The following KLF3 variants were observed in gnomAD, a reference collection of about 807,000 sequenced individuals.
KLF3 encodes the protein KLF transcription factor 3.
In KLF3, 6 loss-of-function variants were observed where a neutral mutation model predicts 32.7. That is an observed-to-expected ratio of 0.18 (90% CI 0.10 to 0.36). The LOEUF is 0.36. Among genes scored for constraint, KLF3 ranks in the 10% least tolerant of loss-of-function variants. KLF3 has a pLI of 1.00. For synonymous variants in KLF3, 145 were observed against 172.8 expected (o/e 0.84, Z 1.26); for missense variants, 338 against 449.7 (o/e 0.75, Z 2.25).
At position 38,688,603 on chromosome 4, in the gene KLF3, A is replaced by G. The variant is rs2109251735; in HGVS notation, c.76A>G (p.Met26Val). 6.2e-7 allele frequency: 1 copy of G among 1,604,786 alleles called. No individual in the cohort carries two copies. The highest frequency in any genetic ancestry group is 8.5e-7 in the Non-Finnish European group (1 of 1,172,422). ...PVSVSYPSNY[M>V]ESMKPNKYGV... ...CTAATAGTCATACCCATCTAATTAC[A>G]TGGAATCCATGAAGCCTAACAAGTA... Residue 26 changes from methionine to valine, a missense_variant, in exon 3 of 6, where the codon ATG becomes GTG. Around this residue, in one of 2 missense-constraint regions of KLF3, gnomAD observed 272 missense variants for 313.4 expected, o/e 0.87. Coordinates refer to ENST00000261438, the MANE Select transcript of KLF3 (RefSeq NM_016531.6). The surrounding 1 kb of genome is among the most constrained non-coding windows in gnomAD (Gnocchi z 4.9).
Position 38,682,607 on chromosome 4 carries a change from A to T in KLF3, c.57+1925A>T, listed in dbSNP as rs574742349. 7.9e-5 allele frequency among the ~76,000 whole-genome samples: 12 copies of T among 152,344 alleles called. No homozygotes were observed. The South Asian group carries it at 2.1e-3, about 26-fold the overall frequency. On this transcript the variant is annotated intron_variant, in intron 2 of 5. Coordinates refer to ENST00000261438, the MANE Select transcript of KLF3 (RefSeq NM_016531.6). ...CCAGTGCTTTTAATCAAGCATGAAC[A>T]TAAGGCTCAAGAGTCTAATATAAAG...
In KLF3 at chr4:38,697,553, G is replaced by A; in HGVS notation, c.*290G>A. ...ATACGTTTAATGTAATAAGAACAAG[G>A]GAACATGTAAACTAACATAACCAAT... On this transcript the variant is annotated 3_prime_UTR_variant, in exon 6 of 6. Coordinates refer to ENST00000261438, the MANE Select transcript of KLF3 (RefSeq NM_016531.6). 1 of 299,666 alleles carries A rather than the reference G, an allele frequency of 3.3e-6. No individual in the cohort carries two copies. The highest frequency in any genetic ancestry group is 6.2e-6 in the Non-Finnish European group (1 of 161,972). The allele number at this position is 299,666 out of a possible 1,614,324, so 18.6% of individuals were successfully genotyped here. A position where few individuals can be genotyped will look rare whatever the true frequency, so the allele number is the denominator to read the frequency against.
intron 4 of KLF3, among the ~76,000 whole-genome samples, chr4:38,692,247 A>G (rs1722897387): frequency 6.6e-6 from 1 of 152,172 alleles, no homozygotes; most frequent in South Asian, 2.1e-4. Context: ...ATAATCCCAA[A>G]CCATCTCTTT....
intron 5 of KLF3, 43 bp from the exon 6 acceptor site, chr4:38,697,039 T>G (rs754509650): frequency 1.3e-6 from 2 of 1,519,556 alleles, no homozygotes; most frequent in South Asian, 2.6e-5. Flanking sequence ...CTTTACTACC[T>G]TTACAGAAAA....
intron 1 of KLF3, among the ~76,000 whole-genome samples, chr4:38,668,351 G>C (rs935701472): frequency 2.0e-5 from 3 of 151,662 alleles, no homozygotes; most frequent in East Asian, 3.9e-4. Flanking sequence ...TTAATCAAAA[G>C]GAATCATCTA....
intron 2 of KLF3, among the ~76,000 whole-genome samples, chr4:38,684,514 G>T (rs904773391): frequency 1.3e-5 from 2 of 149,678 alleles, no homozygotes; most frequent in Admixed American, 1.3e-4. Flanking sequence ...GTGGTTTTGT[G>T]GAGGTTTTTT....
At chr4:38,681,288 C>T (rs1159197922) in intron 2 of KLF3, among the ~76,000 whole-genome samples, 1 of 152,144 alleles carries the variant, frequency 6.6e-6, no homozygotes, top group Non-Finnish European at 1.5e-5. Context: ...ACAAAAATTC[C>T]TCAGCCCTTT....
At position 38,694,911 on chromosome 4, in the gene KLF3, T is replaced by C. The variant is rs375346572; in HGVS notation, c.856+5T>C. 3.8e-6 allele frequency: 6 copies of C among 1,594,660 alleles called. No homozygotes were observed. The African/African-American group carries it at 5.4e-5, about 14-fold the overall frequency. On this transcript the variant is annotated splice_donor_5th_base_variant and intron_variant, in intron 5 of 5. Coordinates refer to ENST00000261438, the MANE Select transcript of KLF3 (RefSeq NM_016531.6). ...CACACAGAAGAACACACACAGGTAA[T>C]AGAAACACCAGACCCACTTCATCTT...
In KLF3 at chr4:38,696,446, C is replaced by A. The variant is rs553453407; in HGVS notation, c.857-636C>A. On this transcript the variant is annotated intron_variant, in intron 5 of 5. Transcript: ENST00000261438. ...CCTGGTTCTCCCCATCATTTTCTCA[C>A]AAGGAGCTTTTGTTCCTCATCTGTA... 5.9e-5 allele frequency among the ~76,000 whole-genome samples: 9 copies of A among 152,250 alleles called. 1 individual carries two copies. The South Asian group carries it at 1.9e-3, about 32-fold the overall frequency.
intron 1 of KLF3, among the ~76,000 whole-genome samples, chr4:38,668,687 GT>G (rs1194234913): frequency 6.6e-6 from 1 of 152,112 alleles, no homozygotes; most frequent in Non-Finnish European, 1.5e-5. Context: ...ATCGAAGCAG[GT>G]TTTTTTGTTT....
intron 1 of KLF3, among the ~76,000 whole-genome samples, chr4:38,667,898 A>G (rs553948895): frequency 6.6e-6 from 1 of 152,332 alleles, no homozygotes; most frequent in South Asian, 2.1e-4. Context: ...TCATTGAAGC[A>G]AAGCCTAAGA....
At chr4:38,694,723 G>T in intron 4 of KLF3, 23 bp from the exon 5 acceptor site, 1 of 1,542,070 alleles carries the variant, frequency 6.5e-7, no homozygotes, top group Non-Finnish European at 8.7e-7. Flanking sequence ...TCAACATTTG[G>T]CCTGTAACCT....
rs769102407 is a variant in KLF3, at chr4:38,688,903, G to A, written c.376G>A (p.Val126Met). The part of the protein sequence containing the change: ...PFGVPLSMPP[V>M]MAAALSRHGI... ...CGGCGTGCCGCTGTCCATGCCACCA[G>A]TGATGGCAGCTGCCCTCTCGCGGCA... The change falls in exon 3 of 6, where the codon GTG becomes ATG. Residue 126 changes from valine to methionine, a missense_variant. This residue lies in a region of KLF3 where 272 missense variants were observed against 313.4 expected (regional missense o/e 0.87). Transcript: ENST00000261438. This position sits in a 1 kb window ranked among gnomAD's most constrained non-coding sequence, Gnocchi z 4.9. 9 of 1,614,118 alleles carry A rather than the reference G, an allele frequency of 5.6e-6. No homozygotes were observed. The highest frequency in any genetic ancestry group is 1.3e-5 in the African/African-American group (1 of 74,952).
rs1723144674 is a variant in KLF3 at position 38,699,570 on chromosome 4, T to C, written c.*2307T>C. On this transcript the variant is annotated 3_prime_UTR_variant, in exon 6 of 6. Transcript: ENST00000261438. ...CAGCTTTGAGCCTGAGTTCAGTGAATAGCCTCATGGGCATCTCATGGAATT... is the reference window on the plus strand; with the variant it reads ...CAGCTTTGAGCCTGAGTTCAGTGAACAGCCTCATGGGCATCTCATGGAATT... 6.6e-6 allele frequency: 1 copy of C among 152,268 alleles called. No individual in the cohort carries two copies. The highest frequency in any genetic ancestry group is 2.1e-4 in the South Asian group (1 of 4,836). The allele number at this position is 152,268 out of a possible 1,614,324, so 9.4% of individuals were successfully genotyped here.
In KLF3 at chr4:38,680,272, G is replaced by A. The variant is rs189220947; in HGVS notation, c.-39-315G>A. On this transcript the variant is annotated intron_variant, in intron 1 of 5. Transcript: ENST00000261438. ...TCCATCACCCAGGCTGGAGTGCAGC[G>A]GTGCCATTTCGGCTCACTGCAACCT... Among the ~76,000 whole-genome samples, 309 of 151,866 alleles carry A rather than the reference G, an allele frequency of 2.0e-3. 3 individuals are homozygous for A. The highest frequency in any genetic ancestry group is 7.2e-3 in the African/African-American group (297 of 41,402).
At position 38,697,111 on chromosome 4, in the gene KLF3, G is replaced by A. The variant is rs764187784; in HGVS notation, c.886G>A (p.Gly296Arg). 2 of 1,612,574 alleles carry A rather than the reference G, an allele frequency of 1.2e-6. No homozygotes were observed. Among genetic ancestry groups the A allele is most frequent in the Non-Finnish European group, 1.7e-6 (2 of 1,179,248 alleles). The change falls in exon 6 of 6, where the codon GGG becomes AGG. Residue 296 changes from glycine (G) to arginine (R), a missense_variant. Physicochemically the swap from Gly to Arg is moderately radical, Grantham distance 125 (BLOSUM62 -2). Around this residue, in one of 2 missense-constraint regions of KLF3, gnomAD observed 66 missense variants for 136.2 expected, o/e 0.48. Transcript: ENST00000261438. Reference sequence around the variant, plus strand: ...AAAACCCTACAAATGTACATGGGAAGGGTGCACATGGAAGTTTGCTCGGTC... The same window carrying A: ...AAAACCCTACAAATGTACATGGGAAAGGTGCACATGGAAGTTTGCTCGGTC... ...GEKPYKCTWE[G>R]CTWKFARSDE... is the part of the protein sequence containing the mutation.
At chr4:38,672,484 G>C (rs1305928138) in intron 1 of KLF3, among the ~76,000 whole-genome samples, 1 of 152,218 alleles carries the variant, frequency 6.6e-6, no homozygotes, top group Non-Finnish European at 1.5e-5. Flanking sequence ...AGGGCCTTGA[G>C]CTGGTCTTTG....
In KLF3 at chr4:38,671,504, C is replaced by T. The variant is rs1166349820; in HGVS notation, c.-40+7043C>T. Among the ~76,000 whole-genome samples the T allele has an allele frequency of 6.6e-6, 1 of 152,154 alleles. No individual in the cohort carries two copies. Among genetic ancestry groups the T allele is most frequent in the Non-Finnish European group, 1.5e-5 (1 of 68,028 alleles). On this transcript the variant is annotated intron_variant, in intron 1 of 5. Coordinates refer to ENST00000261438, the MANE Select transcript of KLF3 (RefSeq NM_016531.6). This position sits in a 1 kb window ranked among gnomAD's most constrained non-coding sequence, Gnocchi z 4.4. ...ACTGTCACTAATGTAAACAGACTGT[C>T]CCCACGTTCTGTCTTCTCCGGGGAC... is the stretch of plus-strand genomic sequence containing the variant.
intron 2 of KLF3, 196 bp downstream of exon 2, chr4:38,680,878 C>G (rs1722502244): frequency 1.2e-5 from 5 of 431,552 alleles, no homozygotes; most frequent in South Asian, 9.0e-5. Flanking sequence ...TGAAGAAACC[C>G]CGTCTCTACT....
Sources: allele counts gnomAD v4.1 joint callset (sites outside exome capture counted in the v4.1 genomes callset), GRCh38; gene constraint gnomAD v4.1.1; regional missense constraint gnomAD v4.1.1; non-coding constraint Gnocchi (gnomAD v3.1); transcripts MANE v1.5; gene names NCBI Gene and HGNC (gene_info 2026-07-23, HGNC 2026-07-21).